The following CD58 variants were observed in gnomAD, a reference collection of about 807,000 sequenced individuals.
CD58 encodes lymphocyte function-associated antigen 3.
In CD58, 14 loss-of-function variants were observed where a neutral mutation model predicts 27.6. The ratio of observed to expected loss-of-function variants is 0.51; its 90% confidence interval spans 0.34 to 0.79. CD58 has a LOEUF of 0.79. Among genes scored for constraint, CD58 ranks in the 30% least tolerant of loss-of-function variants. The pLI is 0.02. For synonymous variants in CD58, 117 were observed against 103.8 expected, an observed-to-expected ratio of 1.13 and a Z score of -0.77; for missense variants, 268 against 301.7, an observed-to-expected ratio of 0.89 and a Z score of 0.83.
chr1:116,562,607 G>A (rs1658792984), intron 1 of CD58, among the ~76,000 whole-genome samples: 1 of 152,162 alleles, frequency 6.6e-6, no homozygotes, highest in African/African-American at 2.4e-5. Flanking sequence ...ACATGGCCAG[G>A]GAAACCTCAC....
intron 1 of CD58, among the ~76,000 whole-genome samples, chr1:116,553,570 T>C (rs1187410629): frequency 6.6e-6 from 1 of 152,154 alleles, no homozygotes; most frequent in Non-Finnish European, 1.5e-5. Context: ...TTGTGGTGTC[T>C]TTCCCTAAGA....
intron 1 of CD58, among the ~76,000 whole-genome samples, chr1:116,545,568 G>A (rs1442756319): frequency 6.6e-6 from 1 of 152,168 alleles, no homozygotes; most frequent in Non-Finnish European, 1.5e-5. Context: ...GGCTGACTGA[G>A]AGGCATCATT....
At chr1:116,561,332 G>A (rs541682911) in intron 1 of CD58, among the ~76,000 whole-genome samples, 14 of 152,326 alleles carry the variant, frequency 9.2e-5, no homozygotes, top group Middle Eastern at 3.4e-3. Context: ...TGTGACAAGT[G>A]GGGAAATCTG....
intron 1 of CD58, among the ~76,000 whole-genome samples, chr1:116,544,955 A>G (rs769067203): frequency 1.3e-5 from 2 of 152,242 alleles, no homozygotes; most frequent in African/African-American, 2.4e-5. Context: ...GGCCTCCCCA[A>G]GGAAGTCATG....
Position 116,527,902 on chromosome 1 carries a change from A to G in CD58, c.629-5919T>C, listed in dbSNP as rs115676929. Among the ~76,000 whole-genome samples, 3,785 of 152,308 alleles carry G rather than the reference A, an allele frequency of 0.025. 83 individuals carry two copies. The highest frequency in any genetic ancestry group is 0.044 in the Middle Eastern group (13 of 294). On this transcript the variant is annotated intron_variant, in intron 3 of 5. Transcript: ENST00000369489. This position sits in a 1 kb window ranked among gnomAD's most constrained non-coding sequence, Gnocchi z 4.4. ...CTCAGTCTCCCAAGTAGCTAGGACT[A>G]CAGACACATGCCACAACACCTCAGT...
intron 2 of CD58, among the ~76,000 whole-genome samples, chr1:116,540,074 T>C (rs918430231): frequency 6.6e-6 from 1 of 152,172 alleles, no homozygotes; most frequent in African/African-American, 2.4e-5. Flanking sequence ...AAAATCATCA[T>C]CTGAGATGTG....
rs1657997628 is a variant in CD58 at position 116,541,815 on chromosome 1, T to C, written c.364+2496A>G. Among the ~76,000 whole-genome samples, 2 of 152,106 alleles carry C rather than the reference T, an allele frequency of 1.3e-5. No individual in the cohort carries two copies. The highest frequency in any genetic ancestry group is 1.3e-4 in the Admixed American group (2 of 15,266). On this transcript the variant is annotated intron_variant, in intron 2 of 5. Transcript: ENST00000369489. This position sits in a 1 kb window ranked among gnomAD's most constrained non-coding sequence, Gnocchi z 5.3. The stretch of plus-strand genomic sequence containing the variant: ...GCTCTAGATCTGTACATTATTAGCA[T>C]TGAGATGATATTTAAAGCCCTGACA...
In CD58 at chr1:116,570,902, C is replaced by A; in HGVS notation, c.70+1G>T. 6.4e-7 allele frequency: 1 copy of A among 1,558,968 alleles called. No homozygotes were observed. Among genetic ancestry groups the A allele is most frequent in the African/African-American group, 1.4e-5 (1 of 73,424 alleles). ...GGGCCCCTGGGGCAGGCTTCACTCA[C>A]CAAAGCAGTGCAGCAGGCAGACCAC... is the stretch of plus-strand genomic sequence containing the variant. On this transcript the variant is annotated splice_donor_variant, in intron 1 of 5. Transcript: ENST00000369489. LOFTEE classifies it high-confidence loss of function. The surrounding 1 kb of genome is among the most constrained non-coding windows in gnomAD (Gnocchi z 6.4).
chr1:116,568,241 G>A (rs971205831), intron 1 of CD58, among the ~76,000 whole-genome samples: 1 of 152,078 alleles, frequency 6.6e-6, no homozygotes, highest in South Asian at 2.1e-4. Flanking sequence ...TTGTTCTTAT[G>A]AGACATATGA....
At position 116,521,948 on chromosome 1, in the gene CD58, G is replaced by T; in HGVS notation, c.664C>A (p.Pro222Thr). Residue 222 changes from proline (P) to threonine (T), a missense_variant, in exon 4 of 6, where the codon CCA becomes ACA. Physicochemically the swap from Pro to Thr is conservative, Grantham distance 38 (BLOSUM62 -1). Coordinates refer to ENST00000369489, the MANE Select transcript of CD58 (RefSeq NM_001779.3). The surrounding 1 kb of genome is among the most constrained non-coding windows in gnomAD (Gnocchi z 5.6). ...SRHRYALIPI[P>T]LAVITTCIVL... ...ATACATGTTGTAATTACTGCTAATGGTATGGGTATAAGTGCATATCTGTGT... is the reference window on the plus strand; with the variant it reads ...ATACATGTTGTAATTACTGCTAATGTTATGGGTATAAGTGCATATCTGTGT... 1.3e-6 allele frequency: 2 copies of T among 1,584,930 alleles called. No homozygotes were observed. The highest frequency in any genetic ancestry group is 1.7e-6 in the Non-Finnish European group (2 of 1,155,848).
At position 116,535,668 on chromosome 1, in the gene CD58, C is replaced by T. The variant is rs969262916; in HGVS notation, c.628+297G>A. 7.8e-5 allele frequency among the ~76,000 whole-genome samples: 9 copies of T among 115,770 alleles called. 1 individual carries two copies. The highest frequency in any genetic ancestry group is 2.6e-4 in the African/African-American group (7 of 27,070). The allele number at this position is 115,770 out of a possible 152,430, so 75.9% of individuals were successfully genotyped here. On this transcript the variant is annotated intron_variant, in intron 3 of 5. Coordinates refer to ENST00000369489, the MANE Select transcript of CD58 (RefSeq NM_001779.3). ...CATCCTGGCTAACACGGTGAAACCC[C>T]GTCTCTACTAAAAATACAAAAAATT...
rs1657648209 is a variant in CD58, at chr1:116,532,541, G to C, written c.628+3424C>G. ...AGGAAAGAATTCAGTCCAACTGCAG[G>C]AGTGGTAGGAGAGGTTCTAGATCCC... On this transcript the variant is annotated intron_variant, in intron 3 of 5. Transcript: ENST00000369489. The surrounding 1 kb of genome is among the most constrained non-coding windows in gnomAD (Gnocchi z 5.1). Among the ~76,000 whole-genome samples, 2 of 152,332 alleles carry C rather than the reference G, an allele frequency of 1.3e-5. No homozygotes were observed. Among genetic ancestry groups the C allele is most frequent in the Middle Eastern group, 6.8e-3 (2 of 294 alleles).
At chr1:116,565,980 G>A (rs1197668771) in intron 1 of CD58, among the ~76,000 whole-genome samples, 1 of 152,140 alleles carries the variant, frequency 6.6e-6, no homozygotes, top group Admixed American at 6.5e-5. Flanking sequence ...GCCTCCCAAA[G>A]TGCTGGGATT....
In CD58 at chr1:116,570,885, G is replaced by A. The variant is rs116578964; in HGVS notation, c.70+18C>T. ...ACCCGCCGGCCGGCGCGGGGCCCCTGGGGCAGGCTTCACTCACCAAAGCAG... is the reference window on the plus strand; with the variant it reads ...ACCCGCCGGCCGGCGCGGGGCCCCTAGGGCAGGCTTCACTCACCAAAGCAG... On this transcript the variant is annotated intron_variant, in intron 1 of 5. Coordinates refer to ENST00000369489, the MANE Select transcript of CD58 (RefSeq NM_001779.3). This position sits in a 1 kb window ranked among gnomAD's most constrained non-coding sequence, Gnocchi z 6.4. 9.1e-3 allele frequency: 14,047 copies of A among 1,543,828 alleles called. 460 individuals are homozygous for A. The highest frequency in any genetic ancestry group is 0.085 in the African/African-American group (6,186 of 72,372).
chr1:116,553,414 A>G (rs1658456147), intron 1 of CD58, among the ~76,000 whole-genome samples: 1 of 152,172 alleles, frequency 6.6e-6, no homozygotes, highest in African/African-American at 2.4e-5. Context: ...AAGAGGCAGC[A>G]TTGTGCTAGG....
Position 116,521,122 on chromosome 1 carries a change from A to G in CD58, c.706+784T>C, listed in dbSNP as rs1657250491. On this transcript the variant is annotated intron_variant, in intron 4 of 5. Transcript: ENST00000369489. This position sits in a 1 kb window ranked among gnomAD's most constrained non-coding sequence, Gnocchi z 5.6. Reference sequence around the variant, plus strand: ...AATAATCATATGTGGCTAATTGGCTACTATACTAAACAGTGCAGGTCTAAG... The same window carrying G: ...AATAATCATATGTGGCTAATTGGCTGCTATACTAAACAGTGCAGGTCTAAG... Among the ~76,000 whole-genome samples, 1 of 152,198 alleles carries G rather than the reference A, an allele frequency of 6.6e-6. No individual in the cohort carries two copies.
chr1:116,559,097 T>C lies in CD58; in HGVS notation c.70+11806A>G, dbSNP rs1658672147. Among the ~76,000 whole-genome samples, 1 of 151,850 alleles carries C rather than the reference T, an allele frequency of 6.6e-6. No homozygotes were observed. ...TGATGTTAAGTGCTATAGAGAAAAA[T>C]AAAGCAGAGTGTGGGGGCTGAGGAG... On this transcript the variant is annotated intron_variant, in intron 1 of 5. Transcript: ENST00000369489. The surrounding 1 kb of genome is among the most constrained non-coding windows in gnomAD (Gnocchi z 4.4).
In CD58 at chr1:116,519,244, G is replaced by A; in HGVS notation, c.730C>T (p.Pro244Ser). 1 of 1,612,776 alleles carries A rather than the reference G, an allele frequency of 6.2e-7. No homozygotes were observed. Among genetic ancestry groups the A allele is most frequent in the Non-Finnish European group, 8.5e-7 (1 of 1,179,374 alleles). Reference protein sequence around the residue: ...MNGILKCDRKPDRTNSN With the variant: ...MNGILKCDRKSDRTNSN ...CAGTGTACTTACTTGGTTCTGTCTG[G>A]TTTTCTGTCACATTTCAGAATACCT... The change falls in exon 5 of 6, where the codon CCA becomes TCA. Residue 244 changes from proline to serine, a missense_variant. Physicochemically the swap from Pro to Ser is moderately conservative, Grantham distance 74 (BLOSUM62 -1). Transcript: ENST00000369489. This position sits in a 1 kb window ranked among gnomAD's most constrained non-coding sequence, Gnocchi z 4.7.
chr1:116,542,540 A>C (rs765492438), intron 2 of CD58, among the ~76,000 whole-genome samples: 3 of 152,222 alleles, frequency 2.0e-5, no homozygotes, highest in Non-Finnish European at 4.4e-5. Context: ...TTCTTCAAGG[A>C]GATTTTCTAT....
Sources: gnomAD v4.1 joint callset for allele counts (sites outside exome capture counted in the v4.1 genomes callset) on GRCh38, gnomAD v4.1.1 for gene constraint, Gnocchi (gnomAD v3.1) non-coding constraint, MANE v1.5 for transcripts, NCBI Gene and HGNC (gene_info 2026-07-23, HGNC 2026-07-21) for gene names.